VPS8: variants seen among roughly 807,000 people sequenced by gnomAD.
VPS8 encodes the protein vacuolar protein sorting-associated protein 8 homolog.
In VPS8, 129 loss-of-function variants were observed where a neutral mutation model predicts 216.4. The observed-to-expected ratio is 0.60, with a 90% CI of 0.52 to 0.69. The LOEUF is 0.69. VPS8 is among the 30% of genes least tolerant of loss of function. The probability of loss-of-function intolerance (pLI) is 0.00; values close to 1 mark genes in which losing one functional copy is unlikely to be tolerated. For synonymous variants in VPS8, 571 were observed against 565.4 expected (o/e 1.01, Z -0.14); for missense variants, 1,531 against 1,683.5 (o/e 0.91, Z 1.59).
chr3:184,918,167 A>G (rs1737948168), intron 28 of VPS8, among the ~76,000 whole-genome samples: 1 of 152,248 alleles, frequency 6.6e-6, no homozygotes, highest in Admixed American at 6.5e-5. Context: ...AATCAGCCTC[A>G]TAAAGAAGAA....
At chr3:184,816,874 G>A (rs1716436683) in intron 1 of VPS8, among the ~76,000 whole-genome samples, 2 of 152,152 alleles carry the variant, frequency 1.3e-5, no homozygotes, top group Non-Finnish European at 2.9e-5. Flanking sequence ...AGAAGTTATT[G>A]AGTGGAGGTA....
chr3:184,830,723 T>G (rs1719810608), intron 3 of VPS8, among the ~76,000 whole-genome samples: 1 of 152,216 alleles, frequency 6.6e-6, no homozygotes, highest in South Asian at 2.1e-4. Context: ...CTCTCTTGTT[T>G]AAGATCTTGA....
At chr3:184,900,093 TCTTTC>T (rs961008006) in intron 24 of VPS8, among the ~76,000 whole-genome samples, 4 of 152,242 alleles carry the variant, frequency 2.6e-5, no homozygotes, top group African/African-American at 9.6e-5. Context: ...GTCTCTGAAA[TCTTTC>T]CTTTTTTCTA....
At chr3:184,828,687 A>C (rs1719342696) in intron 3 of VPS8, among the ~76,000 whole-genome samples, 1 of 152,188 alleles carries the variant, frequency 6.6e-6, no homozygotes, top group Non-Finnish European at 1.5e-5. Context: ...GAATAGTCCT[A>C]GGTTTACTTC....
At chr3:184,924,169 C>T (rs1251196407) in intron 29 of VPS8, among the ~76,000 whole-genome samples, 2 of 152,184 alleles carry the variant, frequency 1.3e-5, no homozygotes, top group African/African-American at 2.4e-5. Flanking sequence ...TAATAGAAAG[C>T]GGAAGCCGTT....
At chr3:184,985,880 C>T (rs886724701) in intron 42 of VPS8, among the ~76,000 whole-genome samples, 5 of 152,058 alleles carry the variant, frequency 3.3e-5, no homozygotes, top group Non-Finnish European at 5.9e-5. Context: ...AGAAGAGACA[C>T]ACAAATGGAT....
chr3:184,996,450 T>C lies in VPS8; in HGVS notation c.3785T>C (p.Leu1262Ser). ...NPKQDYCSIC[L>S]QQYKRRQEMA... is the part of the protein sequence containing the mutation. ...AAACAAGATTACTGCTCTATATGTT[T>C]GCAGCAGTACAAGAGACGCCAAGAA... is the stretch of plus-strand genomic sequence containing the variant. The change falls in exon 44 of 48, where the codon TTG becomes TCG. Residue 1262 changes from leucine (L) to serine (S), a missense_variant. By Grantham distance (145) the Leu-to-Ser change is moderately radical. Transcript: ENST00000625842. 6.2e-7 allele frequency: 1 copy of C among 1,613,124 alleles called. No individual in the cohort carries two copies. The highest frequency in any genetic ancestry group is 8.5e-7 in the Non-Finnish European group (1 of 1,179,592).
rs191951443 is a variant in VPS8 at position 184,834,914 on chromosome 3, G to A, written c.447+172G>A. ...TTTGACTTATGAGACATGGCTACAC[G>A]TCTTGACAGAAATTAGTGCAGCCAT... On this transcript the variant is annotated intron_variant, in intron 5 of 47. Coordinates refer to ENST00000625842, the MANE Select transcript of VPS8 (RefSeq NM_001009921.3). 369 of 499,944 alleles carry A rather than the reference G, an allele frequency of 7.4e-4. 2 individuals carry two copies. The highest frequency in any genetic ancestry group is 6.3e-3 in the African/African-American group (324 of 51,084). 31.0% of individuals were successfully genotyped at this position (499,944 alleles called of 1,614,324 possible). A position where few individuals can be genotyped will look rare whatever the true frequency, so the allele number is the denominator to read the frequency against.
chr3:184,946,787 A>C (rs947059795), intron 36 of VPS8, among the ~76,000 whole-genome samples: 4 of 152,244 alleles, frequency 2.6e-5, no homozygotes, highest in African/African-American at 9.6e-5. Context: ...TTTTCTTGAG[A>C]GCAGTTTACT....
chr3:184,852,998 T>G (rs1724600798), intron 11 of VPS8, among the ~76,000 whole-genome samples: 1 of 152,178 alleles, frequency 6.6e-6, no homozygotes. Flanking sequence ...GAAGCAGAGT[T>G]TTTTGAAAAG....
intron 21 of VPS8, among the ~76,000 whole-genome samples, chr3:184,884,881 A>C (rs138914796): frequency 6.6e-6 from 1 of 152,162 alleles, no homozygotes; most frequent in Non-Finnish European, 1.5e-5. Context: ...GAGCTCAGCT[A>C]TGTATTTTAA....
At chr3:184,947,595 A>T (rs1743936756) in intron 36 of VPS8, among the ~76,000 whole-genome samples, 1 of 151,874 alleles carries the variant, frequency 6.6e-6, no homozygotes, top group Non-Finnish European at 1.5e-5. Context: ...ATAGACAAAT[A>T]TATTTAGCAA....
At chr3:184,905,850 TAACC>T (rs1418268852) in intron 25 of VPS8, among the ~76,000 whole-genome samples, 1 of 152,078 alleles carries the variant, frequency 6.6e-6, no homozygotes, top group Non-Finnish European at 1.5e-5. Context: ...GGTTTTTTTT[TAACC>T]AAACAAATTA....
chr3:184,998,882 G>T (rs1753006331), intron 44 of VPS8, among the ~76,000 whole-genome samples: 2 of 151,510 alleles, frequency 1.3e-5, no homozygotes, highest in Admixed American at 1.3e-4. Flanking sequence ...TTTTCCAGTT[G>T]CTTTTTTTTT....
At chr3:184,909,114 G>A (rs555510442) in intron 25 of VPS8, among the ~76,000 whole-genome samples, 26 of 152,254 alleles carry the variant, frequency 1.7e-4, no homozygotes, top group African/African-American at 6.0e-4. Flanking sequence ...ACCCCCTGTC[G>A]CTATCAAACC....
At chr3:184,833,995 T>C (rs985741093) in intron 4 of VPS8, among the ~76,000 whole-genome samples, 1 of 152,234 alleles carries the variant, frequency 6.6e-6, no homozygotes, top group Non-Finnish European at 1.5e-5. Flanking sequence ...CAGAGCATAC[T>C]TCTAGTGATA....
chr3:184,997,555 T>C (rs1243170067), intron 44 of VPS8, among the ~76,000 whole-genome samples: 1 of 152,202 alleles, frequency 6.6e-6, no homozygotes, highest in East Asian at 1.9e-4. Flanking sequence ...ACCTGCTGTA[T>C]GCAAGCTGCT....
In VPS8 at chr3:184,868,993, T is replaced by C. The variant is rs1727862180; in HGVS notation, c.1554T>C (p.Ala518=). The C allele has an allele frequency of 6.2e-7, 1 of 1,610,544 alleles. No homozygotes were observed. Among genetic ancestry groups the C allele is most frequent in the South Asian group, 1.1e-5 (1 of 89,976 alleles). ...LKQDCLTEAL[A]LAWSFHEGKA... ...AAGATTGTCTTACAGAAGCGTTGGC[T>C]CTTGCGTGGTCTTTCCATGAAGGAA... Residue 518 remains alanine (A), a synonymous_variant, in exon 19 of 48, where the codon GCT becomes GCC. Transcript: ENST00000625842.
intron 38 of VPS8, among the ~76,000 whole-genome samples, chr3:184,965,199 A>G (rs774211334): frequency 2.0e-5 from 3 of 152,088 alleles, no homozygotes; most frequent in Non-Finnish European, 4.4e-5. Flanking sequence ...TAGATTAGGG[A>G]TATCATATTT....
Sources: gnomAD v4.1 joint callset for allele counts (sites outside exome capture counted in the v4.1 genomes callset) on GRCh38, gnomAD v4.1.1 for gene constraint, MANE v1.5 for transcripts, NCBI Gene and HGNC (gene_info 2026-07-23, HGNC 2026-07-21) for gene names.